Variants in DPP6 observed in about 807,000 individuals in gnomAD.
DPP6 encodes the protein dipeptidyl peptidase like 6.
Under a neutral mutation model 122.6 loss-of-function variants are expected in DPP6, and 69 were observed. The observed-to-expected ratio is 0.56, with a 90% CI of 0.46 to 0.69. The LOEUF (loss-of-function observed/expected upper bound fraction) is 0.69, where lower values mean the gene tolerates loss of function less well. Among genes scored for constraint, DPP6 ranks in the 30% least tolerant of loss-of-function variants. The pLI is 0.00. For synonymous variants in DPP6, 418 were observed against 433.1 expected (o/e 0.97, Z 0.43); for missense variants, 928 against 1,116.9 (o/e 0.83, Z 2.41).
At chr7:154,024,104 G>A (rs1400904846) in intron 1 of DPP6, among the ~76,000 whole-genome samples, 6 of 152,160 alleles carry the variant, frequency 3.9e-5, no homozygotes, top group Non-Finnish European at 8.8e-5. Flanking sequence ...CTTCTCAGCT[G>A]TAAAATATCT....
chr7:153,989,742 T>C (rs1024451209), intron 1 of DPP6, among the ~76,000 whole-genome samples: 1 of 151,978 alleles, frequency 6.6e-6, no homozygotes, highest in African/African-American at 2.4e-5. Flanking sequence ...TGTGGATGCC[T>C]GTGAGGTACT....
chr7:154,267,459 ATATT>A (rs200505908), intron 1 of DPP6, among the ~76,000 whole-genome samples: 12,776 of 149,734 alleles, frequency 0.085, 574 homozygotes, highest in Middle Eastern at 0.14. Context: ...ATGTGTGTAT[ATATT>A]TATCTCTTAT....
At chr7:154,061,243 T>C (rs775317065) in intron 1 of DPP6, among the ~76,000 whole-genome samples, 20 of 149,420 alleles carry the variant, frequency 1.3e-4, no homozygotes, top group Admixed American at 6.6e-5. Flanking sequence ...GACCCGGAAC[T>C]TTTGAAATGG....
chr7:154,467,168 C>T (rs1239812037), intron 2 of DPP6, among the ~76,000 whole-genome samples: 1 of 152,200 alleles, frequency 6.6e-6, no homozygotes, highest in East Asian at 1.9e-4. Flanking sequence ...CTAGGGCTCT[C>T]AGGTCTGCCC....
chr7:154,337,330 C>A (rs1256890158), intron 1 of DPP6, among the ~76,000 whole-genome samples: 1 of 152,200 alleles, frequency 6.6e-6, no homozygotes, highest in Non-Finnish European at 1.5e-5. Context: ...CCTAAATTAT[C>A]CCTATTCTTT....
intron 17 of DPP6, among the ~76,000 whole-genome samples, chr7:154,866,103 TGGA>T (rs1470231102): frequency 6.6e-6 from 1 of 152,174 alleles, no homozygotes; most frequent in Non-Finnish European, 1.5e-5. Context: ...CTTGCGTTGA[TGGA>T]GGAGAAGGAG....
chr7:154,295,685 A>G (rs936225458), intron 1 of DPP6, among the ~76,000 whole-genome samples: 1 of 151,684 alleles, frequency 6.6e-6, no homozygotes, highest in African/African-American at 2.4e-5. Context: ...CCCTACCCTC[A>G]GTGCACATGA....
chr7:154,014,948 G>A (rs1798333143), intron 1 of DPP6, among the ~76,000 whole-genome samples: 2 of 151,992 alleles, frequency 1.3e-5, no homozygotes, highest in South Asian at 4.2e-4. Flanking sequence ...CATTCCTTCT[G>A]GGTCTCAGAA....
At chr7:154,683,145 G>T (rs949405213) in intron 7 of DPP6, among the ~76,000 whole-genome samples, 3 of 152,092 alleles carry the variant, frequency 2.0e-5, no homozygotes, top group Non-Finnish European at 2.9e-5. Flanking sequence ...TTATGGCCAG[G>T]AACTGTTTGA....
chr7:154,721,733 C>T (rs1030315162), intron 7 of DPP6, among the ~76,000 whole-genome samples: 1 of 151,236 alleles, frequency 6.6e-6, no homozygotes, highest in African/African-American at 2.4e-5. Flanking sequence ...CTGTTCTAAC[C>T]CCTTCAGAGA....
chr7:153,910,269 ACACAGGCTGGAGTGCAGT>A (rs1800027620), intron 1 of DPP6, among the ~76,000 whole-genome samples: 1 of 131,830 alleles, frequency 7.6e-6, no homozygotes, highest in Non-Finnish European at 1.6e-5. Context: ...TCGCTCTGTC[ACACAGGCTGGAGTGCAGT>A]GGTGCAATCT....
At chr7:154,062,586 T>G (rs372422466) in intron 1 of DPP6, among the ~76,000 whole-genome samples, 144 of 6,246 alleles carry the variant, frequency 0.023, 1 homozygote, top group Non-Finnish European at 0.03. Flanking sequence ...CACCCTCCGC[T>G]AGGCAGGGAC....
chr7:154,076,117 C>G (rs1198129922), intron 1 of DPP6, among the ~76,000 whole-genome samples: 1 of 151,814 alleles, frequency 6.6e-6, no homozygotes, highest in Non-Finnish European at 1.5e-5. Flanking sequence ...GAAGCTTCTT[C>G]CTATGTGTAA....
chr7:154,523,977 C>G (rs554861319), intron 3 of DPP6, among the ~76,000 whole-genome samples: 8 of 152,190 alleles, frequency 5.3e-5, no homozygotes, highest in African/African-American at 1.9e-4. Context: ...CCAAGTTTTA[C>G]GACAGGGGCT....
At chr7:154,221,342 T>C (rs1009841125) in intron 1 of DPP6, among the ~76,000 whole-genome samples, 4 of 152,128 alleles carry the variant, frequency 2.6e-5, no homozygotes, top group East Asian at 3.9e-4. Flanking sequence ...GGTTTCACCA[T>C]GTTGGCCAGG....
chr7:154,470,802 C>T (rs1257386631), intron 2 of DPP6, among the ~76,000 whole-genome samples: 1 of 152,282 alleles, frequency 6.6e-6, no homozygotes, highest in Admixed American at 6.5e-5. Flanking sequence ...CCCTGAATTG[C>T]CTTTGGGATG....
chr7:154,791,515 G>A (rs116297864), intron 10 of DPP6, among the ~76,000 whole-genome samples: 3,558 of 152,260 alleles, frequency 0.023, 120 homozygotes, highest in African/African-American at 0.078. Context: ...GAAACCACCC[G>A]CATGATTCAA....
chr7:154,239,759 A>C (rs1314963115), intron 1 of DPP6, among the ~76,000 whole-genome samples: 1 of 150,918 alleles, frequency 6.6e-6, no homozygotes, highest in Non-Finnish European at 1.5e-5. Context: ...GATCACTTGA[A>C]GTCAGGAGTT....
chr7:154,023,360 A>ACT (rs1454822174), intron 1 of DPP6, among the ~76,000 whole-genome samples: 1 of 150,580 alleles, frequency 6.6e-6, no homozygotes, highest in Non-Finnish European at 1.5e-5. Context: ...ACACACACAC[A>ACT]CTTCTTAAGT....
Sources: allele counts gnomAD v4.1 joint callset (sites outside exome capture counted in the v4.1 genomes callset), GRCh38; gene constraint gnomAD v4.1.1; transcripts MANE v1.5; gene names NCBI Gene and HGNC (gene_info 2026-07-23, HGNC 2026-07-21).